The following CALN1 variants were observed in gnomAD, a reference collection of about 807,000 sequenced individuals.
The protein encoded by CALN1 is calcium-binding protein 8.
In CALN1, 17 loss-of-function variants were observed where a neutral mutation model predicts 30.6. The ratio of observed to expected loss-of-function variants is 0.56; its 90% CI spans 0.38 to 0.83. The LOEUF (loss-of-function observed/expected upper bound fraction) is 0.83. Ranked by LOEUF, CALN1 falls within the 40% of genes least tolerant of loss-of-function variation. CALN1 has a pLI of 0.00. For missense variants in CALN1, 291 were observed against 354.9 expected, an observed-to-expected ratio of 0.82 and a Z score of 1.45; for synonymous variants, 156 against 131.4, an observed-to-expected ratio of 1.19 and a Z score of -1.28.
rs143572620 is a variant in CALN1, at chr7:72,401,603, C to CTA, written c.119+1647_119+1648insTA. Reference sequence around the variant, plus strand: ...GGAGAAGCACATGCCTTGGGAGAAACTGATTCCTTGGGTCATCACTGTCCC... The same window carrying CTA: ...GGAGAAGCACATGCCTTGGGAGAAACTATGATTCCTTGGGTCATCACTGTCCC... On this transcript the variant is annotated intron_variant, in intron 2 of 6. Transcript: ENST00000395275. 7.4e-3 allele frequency among the ~76,000 whole-genome samples: 1,129 copies of CTA among 152,316 alleles called. 16 individuals carry two copies. Among genetic ancestry groups the CTA allele is most frequent in the African/African-American group, 0.026 (1,071 of 41,564 alleles).
intron 5 of CALN1, among the ~76,000 whole-genome samples, chr7:71,864,371 C>T (rs1406951582): frequency 6.6e-6 from 1 of 152,162 alleles, no homozygotes; most frequent in Non-Finnish European, 1.5e-5. Flanking sequence ...AGCAAATGTG[C>T]ATGCTGTGAA....
chr7:72,214,704 G>C (rs559218362), intron 3 of CALN1, among the ~76,000 whole-genome samples: 1 of 152,092 alleles, frequency 6.6e-6, no homozygotes, highest in Non-Finnish European at 1.5e-5. Flanking sequence ...CGCACAGCAG[G>C]AGGTGAGTGA....
chr7:72,312,752 C>T lies in CALN1; in HGVS notation c.120-33942G>A, dbSNP rs142478351. ...GGGACAACTAGAAAAATAGTGACCA[C>T]AAAGATCATGCTTATTTTCCTATTG... On this transcript the variant is annotated intron_variant, in intron 2 of 6. Coordinates refer to ENST00000395275, the MANE Select transcript of CALN1 (RefSeq NM_031468.4). Among the ~76,000 whole-genome samples, 20 of 151,426 alleles carry T rather than the reference C, an allele frequency of 1.3e-4. No homozygotes were observed. In the East Asian group the frequency reaches 3.5e-3, roughly 26 times the overall value.
At chr7:72,358,995 C>G (rs1365680457) in intron 2 of CALN1, among the ~76,000 whole-genome samples, 6 of 151,844 alleles carry the variant, frequency 4.0e-5, no homozygotes, top group Non-Finnish European at 7.4e-5. Flanking sequence ...TGGGTGCTAC[C>G]AACACCACAA....
At chr7:72,327,198 T>A (rs1396349138) in intron 2 of CALN1, among the ~76,000 whole-genome samples, 1 of 152,186 alleles carries the variant, frequency 6.6e-6, no homozygotes. Flanking sequence ...TGGTTCTGAG[T>A]AACACTTGAT....
chr7:72,464,100 G>A, the CALN1 span, among the ~76,000 whole-genome samples: 1 of 151,300 alleles, frequency 6.6e-6, no homozygotes, highest in Non-Finnish European at 1.5e-5. Context: ...AAGAAAGAAA[G>A]AGAGAGAAGA....
chr7:72,378,224 T>C lies in CALN1; in HGVS notation c.119+25027A>G, dbSNP rs57034577. 4.4e-3 allele frequency among the ~76,000 whole-genome samples: 665 copies of C among 152,286 alleles called. 4 individuals carry two copies. The highest frequency in any genetic ancestry group is 0.015 in the African/African-American group (631 of 41,554). On this transcript the variant is annotated intron_variant, in intron 2 of 6. Coordinates refer to ENST00000395275, the MANE Select transcript of CALN1 (RefSeq NM_031468.4). The stretch of plus-strand genomic sequence containing the variant: ...CCATCAGACAAGCTAAAACAAATAC[T>C]TACATTTTTTTGTGAATGAGGTTTA...
chr7:72,267,731 G>T (rs371629905), intron 3 of CALN1, among the ~76,000 whole-genome samples: 1 of 152,252 alleles, frequency 6.6e-6, no homozygotes, highest in African/African-American at 2.4e-5. Context: ...CCTGGGCCGG[G>T]TGTGTTGACT....
At chr7:72,302,768 A>T (rs1799368003) in intron 2 of CALN1, among the ~76,000 whole-genome samples, 2 of 151,700 alleles carry the variant, frequency 1.3e-5, no homozygotes, top group Non-Finnish European at 2.9e-5. Flanking sequence ...GATGGTGGGC[A>T]CCTGTAGTCC....
At chr7:72,272,602 G>T (rs898771056) in intron 3 of CALN1, among the ~76,000 whole-genome samples, 2 of 152,118 alleles carry the variant, frequency 1.3e-5, no homozygotes, top group Non-Finnish European at 2.9e-5. Context: ...TATTAATTTT[G>T]AGACATGCAC....
upstream of CALN1, among the ~76,000 whole-genome samples, chr7:72,412,591 GA>G (rs1327504717): frequency 2.6e-5 from 4 of 152,106 alleles, no homozygotes; most frequent in East Asian, 7.8e-4. Flanking sequence ...AGTCCCCACT[GA>G]CCCAGAAGCC....
intron 2 of CALN1, among the ~76,000 whole-genome samples, chr7:72,306,292 G>A (rs1799644877): frequency 6.6e-6 from 1 of 152,058 alleles, no homozygotes; most frequent in Non-Finnish European, 1.5e-5. Flanking sequence ...TTTCTTCCAG[G>A]CCCTCCCAAT....
rs537932471 is a variant in CALN1 at position 72,363,118 on chromosome 7, T to C, written c.119+40133A>G. On this transcript the variant is annotated intron_variant, in intron 2 of 6. Coordinates refer to ENST00000395275, the MANE Select transcript of CALN1 (RefSeq NM_031468.4). The stretch of plus-strand genomic sequence containing the variant: ...TCATGGGGGTCTGTCGTACAGATTA[T>C]TTCATCACCCAGGTATTAAAAATAT... Among the ~76,000 whole-genome samples the C allele has an allele frequency of 1.2e-4, 19 of 152,360 alleles. No homozygotes were observed. The South Asian group carries it at 3.9e-3, about 32-fold the overall frequency.
rs371693363 is a variant in CALN1 at position 72,067,000 on chromosome 7, G to A, written c.388+39151C>T. 1.4e-4 allele frequency among the ~76,000 whole-genome samples: 21 copies of A among 151,532 alleles called. No homozygotes were observed. The East Asian group carries it at 3.9e-3, about 28-fold the overall frequency. On this transcript the variant is annotated intron_variant, in intron 4 of 6. Coordinates refer to ENST00000395275, the MANE Select transcript of CALN1 (RefSeq NM_031468.4). ...GATGGGGTTTTACCATGTTGCCCAGGGTGGTTTTGAACTCCTGAGCTCAGG... is the reference window on the plus strand; with the variant it reads ...GATGGGGTTTTACCATGTTGCCCAGAGTGGTTTTGAACTCCTGAGCTCAGG...
At chr7:72,371,417 C>T (rs949722456) in intron 2 of CALN1, among the ~76,000 whole-genome samples, 2 of 152,132 alleles carry the variant, frequency 1.3e-5, no homozygotes, top group African/African-American at 2.4e-5. Context: ...AGCACTTACC[C>T]TCATGCTGTT....
the CALN1 span, among the ~76,000 whole-genome samples, chr7:72,485,379 C>T: frequency 6.6e-6 from 1 of 152,158 alleles, no homozygotes; most frequent in Non-Finnish European, 1.5e-5. Context: ...AGCAACATAG[C>T]AAGACCCTGT....
intron 5 of CALN1, 110 bp downstream of exon 5, chr7:72,023,547 G>T: frequency 1.3e-6 from 1 of 749,802 alleles, no homozygotes; most frequent in Non-Finnish European, 2.3e-6. Flanking sequence ...ATGTCGCTCA[G>T]CCCAGAAGAG....
intron 5 of CALN1, among the ~76,000 whole-genome samples, chr7:71,839,915 C>A (rs1562828006): frequency 6.6e-6 from 1 of 152,174 alleles, no homozygotes; most frequent in African/African-American, 2.4e-5. Context: ...GTGGACCCCT[C>A]TCTCTATGGA....
intron 3 of CALN1, among the ~76,000 whole-genome samples, chr7:72,242,076 C>T (rs755588972): frequency 2.2e-4 from 34 of 152,324 alleles, no homozygotes; most frequent in Non-Finnish European, 1.8e-4. Context: ...CACCCTTCTA[C>T]TTCCTATGAA....
Sources: allele counts gnomAD v4.1 joint callset (sites outside exome capture counted in the v4.1 genomes callset), GRCh38; gene constraint gnomAD v4.1.1; transcripts MANE v1.5; gene names NCBI Gene and HGNC (gene_info 2026-07-23, HGNC 2026-07-21).